HNF4A: variants seen among roughly 807,000 people sequenced by gnomAD.
The protein encoded by HNF4A is hepatocyte nuclear factor 4-alpha.
Under a neutral mutation model 52.4 loss-of-function variants are expected in HNF4A, and 15 were observed. The observed-to-expected ratio is 0.29, with a 90% CI of 0.19 to 0.44. The LOEUF is 0.44. Ranked by LOEUF, HNF4A falls within the 20% of genes least tolerant of loss-of-function variation. The pLI, the probability that HNF4A is intolerant of heterozygous loss-of-function variation, is 1.00. For synonymous variants in HNF4A, 280 were observed against 264.4 expected (o/e 1.06, Z -0.57); for missense variants, 479 against 647.2 (o/e 0.74, Z 2.82).
At chr20:44,405,295 T>TAAATTTTTA (rs2063485697) in intron 1 of HNF4A, among the ~76,000 whole-genome samples, 1 of 152,174 alleles carries the variant, frequency 6.6e-6, no homozygotes, top group Admixed American at 6.5e-5. Context: ...TTAAATTTTT[T>TAAATTTTTA]AAATTTGGAA....
chr20:44,364,073 C>T (rs910023153), intron 1 of HNF4A, among the ~76,000 whole-genome samples: 2 of 152,194 alleles, frequency 1.3e-5, no homozygotes, highest in Non-Finnish European at 1.5e-5. Context: ...TCCTAAGAGT[C>T]AGGAAAGATG....
At chr20:44,419,689 T>A in intron 6 of HNF4A, 32 bp from the exon 7 acceptor site, 1 of 1,610,536 alleles carries the variant, frequency 6.2e-7, no homozygotes, top group Non-Finnish European at 8.5e-7. Context: ...CCAAGGTGAC[T>A]TCCCATCCTC....
At chr20:44,371,255 G>A (rs2063030603) in intron 1 of HNF4A, among the ~76,000 whole-genome samples, 1 of 151,850 alleles carries the variant, frequency 6.6e-6, no homozygotes, top group African/African-American at 2.4e-5. Flanking sequence ...GCAGATTAGT[G>A]GCTTTCAAAC....
At chr20:44,393,658 GA>G (rs1042903624) in intron 1 of HNF4A, among the ~76,000 whole-genome samples, 1 of 152,090 alleles carries the variant, frequency 6.6e-6, no homozygotes, top group African/African-American at 2.4e-5. Context: ...GAGGATCAAG[GA>G]AGTAACACAT....
intron 1 of HNF4A, among the ~76,000 whole-genome samples, chr20:44,404,205 C>T (rs750709233): frequency 1.1e-4 from 16 of 152,178 alleles, no homozygotes; most frequent in Non-Finnish European, 2.4e-4. Context: ...AAGCACTTCA[C>T]ATACACATAT....
intron 8 of HNF4A, among the ~76,000 whole-genome samples, chr20:44,425,646 T>C (rs1355543644): frequency 2.9e-5 from 4 of 137,160 alleles, no homozygotes; most frequent in African/African-American, 1.0e-4. Context: ...GGACCCTCTT[T>C]TCTTTTTTCC....
At chr20:44,418,378 C>T in intron 5 of HNF4A, 47 bp from the exon 6 acceptor site, 1 of 1,533,450 alleles carries the variant, frequency 6.5e-7, no homozygotes, top group Non-Finnish European at 9.0e-7. Context: ...CTACGGGCAG[C>T]CTTCCCAAGG....
At chr20:44,394,122 T>C (rs2063330861) in intron 1 of HNF4A, among the ~76,000 whole-genome samples, 1 of 152,206 alleles carries the variant, frequency 6.6e-6, no homozygotes, top group Admixed American at 6.5e-5. Flanking sequence ...GGTCTTCCAA[T>C]GGCTCTCAGG....
At chr20:44,399,467 C>T (rs1478695264), upstream of HNF4A, among the ~76,000 whole-genome samples, 1 of 152,130 alleles carries the variant, frequency 6.6e-6, no homozygotes, top group Non-Finnish European at 1.5e-5. Context: ...CAATAGCACT[C>T]CCCAGTCATC....
intron 4 of HNF4A, 21 bp from the exon 5 acceptor site, chr20:44,414,486 T>C (rs970572022): frequency 1.2e-6 from 2 of 1,614,228 alleles, no homozygotes; most frequent in Middle Eastern, 1.6e-4. Flanking sequence ...TCCAGCATTT[T>C]CTTCCCTGTA....
intron 1 of HNF4A, among the ~76,000 whole-genome samples, chr20:44,392,723 C>T (rs954211123): frequency 2.0e-5 from 3 of 152,192 alleles, no homozygotes; most frequent in Non-Finnish European, 2.9e-5. Context: ...GACAAAACTT[C>T]TCCAATGGGA....
chr20:44,429,552 C>CAAA lies in HNF4A; in HGVS notation c.1312_1313insAAA (p.Pro438delinsGlnThr). On this transcript the variant is annotated protein_altering_variant, in exon 10 of 10. Transcript: ENST00000316099. ...CCCTGAGACCCCACAGCCCTCACCG[C>CAAA]CAGGTGGCTCAGGGTCTGAGCCCTA... 6.2e-7 allele frequency: 1 copy of CAAA among 1,614,118 alleles called. No homozygotes were observed. Among genetic ancestry groups the CAAA allele is most frequent in the Non-Finnish European group, 8.5e-7 (1 of 1,180,012 alleles).
chr20:44,370,163 G>C (rs2063018509), intron 1 of HNF4A, among the ~76,000 whole-genome samples: 1 of 152,172 alleles, frequency 6.6e-6, no homozygotes, highest in Non-Finnish European at 1.5e-5. Context: ...AAGTAGCTGG[G>C]ACTACAGGCG....
At chr20:44,408,464 C>G (rs754390318) in intron 3 of HNF4A, among the ~76,000 whole-genome samples, 4 of 152,172 alleles carry the variant, frequency 2.6e-5, no homozygotes, top group Admixed American at 6.5e-5. Context: ...GTGAATCAGG[C>G]CTGTAATCCC....
At chr20:44,364,569 C>G (rs1173441897) in intron 1 of HNF4A, among the ~76,000 whole-genome samples, 1 of 152,026 alleles carries the variant, frequency 6.6e-6, no homozygotes, top group African/African-American at 2.4e-5. Flanking sequence ...CTCCTGGGTT[C>G]AAGCAATTCT....
chr20:44,401,915 T>C (rs531187126), intron 1 of HNF4A, among the ~76,000 whole-genome samples: 5 of 151,814 alleles, frequency 3.3e-5, no homozygotes, highest in Non-Finnish European at 5.9e-5. Flanking sequence ...CTGGAGATGG[T>C]GGTTGGAGAC....
At chr20:44,420,157 C>A (rs1455062259) in intron 7 of HNF4A, among the ~76,000 whole-genome samples, 1 of 151,796 alleles carries the variant, frequency 6.6e-6, no homozygotes, top group Non-Finnish European at 1.5e-5. Context: ...CATGGAGAAA[C>A]CCCATCTCTA....
chr20:44,418,405 C>G lies in HNF4A; in HGVS notation c.649-20C>G. ...TTCCCAAGGGTACAGATGGCAAACA[C>G]TGTTCCTTCTCTCTTTCAGGTGGCC... is the stretch of plus-strand genomic sequence containing the variant. On this transcript the variant is annotated intron_variant, in intron 5 of 9. Transcript: ENST00000316099. The G allele has an allele frequency of 6.2e-7, 1 of 1,609,462 alleles. No individual in the cohort carries two copies. Among genetic ancestry groups the G allele is most frequent in the South Asian group, 1.1e-5 (1 of 91,004 alleles).
At chr20:44,428,626 T>C (rs994024309) in intron 9 of HNF4A, 139 bp downstream of exon 9, 34 of 822,508 alleles carry the variant, frequency 4.1e-5, no homozygotes, top group African/African-American at 3.7e-4. Flanking sequence ...AAGGGCAAGA[T>C]TGTCCATTTG....
Sources: allele counts gnomAD v4.1 joint callset (sites outside exome capture counted in the v4.1 genomes callset), GRCh38; gene constraint gnomAD v4.1.1; transcripts MANE v1.5; gene names NCBI Gene and HGNC (gene_info 2026-07-23, HGNC 2026-07-21).